RYR3: variants seen among roughly 807,000 people sequenced by gnomAD.
The protein encoded by RYR3 is brain ryanodine receptor-calcium release channel.
RYR3 carries 207 observed loss-of-function variants against 584.3 expected under a neutral mutation model. That is an observed-to-expected ratio of 0.35 (90% CI 0.32 to 0.40). The LOEUF (loss-of-function observed/expected upper bound fraction) is 0.40, where lower values mean the gene tolerates loss of function less well. RYR3 is among the 10% of genes least tolerant of loss of function. RYR3 has a pLI of 1.00. For missense variants in RYR3, 5,616 were observed against 6,089.2 expected (o/e 0.92, Z 2.59); for synonymous variants, 2,416 against 2,248.5 (o/e 1.07, Z -2.11).
At chr15:33,528,685 T>C (rs1257063164) in intron 3 of RYR3, among the ~76,000 whole-genome samples, 6 of 152,200 alleles carry the variant, frequency 3.9e-5, no homozygotes, top group African/African-American at 1.2e-4. Context: ...CTACTTAATC[T>C]CTGTAAACCT....
At chr15:33,842,780 C>T (rs973028798) in intron 91 of RYR3, among the ~76,000 whole-genome samples, 5 of 152,162 alleles carry the variant, frequency 3.3e-5, no homozygotes, top group African/African-American at 9.7e-5. Flanking sequence ...GGGTCTTCTG[C>T]GAGCCTAGAC....
chr15:33,355,538 C>T (rs1383201865), intron 1 of RYR3, among the ~76,000 whole-genome samples: 3 of 152,152 alleles, frequency 2.0e-5, no homozygotes, highest in Non-Finnish European at 2.9e-5. Context: ...GAGATAGGTT[C>T]GCAAATGCTG....
At chr15:33,726,053 C>T (rs990205295) in intron 45 of RYR3, among the ~76,000 whole-genome samples, 3 of 150,630 alleles carry the variant, frequency 2.0e-5, no homozygotes, top group Admixed American at 6.6e-5. Context: ...GTCGTGGCCA[C>T]TGAGCACTTC....
chr15:33,628,394 T>G (rs2061101022), intron 20 of RYR3, 77 bp from the exon 21 acceptor site: 1 of 989,512 alleles, frequency 1.0e-6, no homozygotes. Context: ...CCAATTCAAG[T>G]GGGGTGCCCA....
chr15:33,787,074 G>A (rs967192498), intron 66 of RYR3, among the ~76,000 whole-genome samples: 5 of 152,210 alleles, frequency 3.3e-5, no homozygotes, highest in East Asian at 1.9e-4. Context: ...CTAGAGGTGC[G>A]CAGAGGGAAA....
At chr15:33,496,988 T>A (rs910428317) in intron 2 of RYR3, among the ~76,000 whole-genome samples, 14 of 152,208 alleles carry the variant, frequency 9.2e-5, no homozygotes, top group African/African-American at 2.7e-4. Context: ...CCAGAGCAGC[T>A]GGTACAGGAA....
intron 67 of RYR3, among the ~76,000 whole-genome samples, chr15:33,793,928 A>C (rs960301105): frequency 2.9e-5 from 3 of 103,072 alleles, no homozygotes; most frequent in African/African-American, 6.4e-5. Context: ...CACACTCTAT[A>C]TATATACATA....
At chr15:33,533,588 A>G (rs1424724921) in intron 5 of RYR3, among the ~76,000 whole-genome samples, 199 bp downstream of exon 5, 3 of 152,230 alleles carry the variant, frequency 2.0e-5, no homozygotes, top group Non-Finnish European at 4.4e-5. Context: ...GAAGGAGAAC[A>G]TAATGTTTTT....
intron 1 of RYR3, among the ~76,000 whole-genome samples, chr15:33,426,901 A>G (rs1476904999): frequency 6.6e-6 from 1 of 152,152 alleles, no homozygotes; most frequent in Non-Finnish European, 1.5e-5. Context: ...GTATCCTCAC[A>G]TGATGGGATG....
In RYR3 at chr15:33,789,622, TTTTATATATATATATATATATATA is replaced by T. The variant is rs1489978535; in HGVS notation, c.9830+1166_9830+1189del. On this transcript the variant is annotated intron_variant, in intron 67 of 103. Transcript: ENST00000634891. ...GTTATATGCATGTTACCAGGTTTTATTTTATATATATATATATATATATATATATATATATATTTTTTTTTTTTT... is the reference window on the plus strand; with the variant it reads ...GTTATATGCATGTTACCAGGTTTTATTATATATATATATTTTTTTTTTTTT... Among the ~76,000 whole-genome samples, 67 of 32,384 alleles carry T rather than the reference TTTTATATATATATATATATATATA, an allele frequency of 2.1e-3. 2 individuals are homozygous for T. The South Asian group carries it at 0.04, about 19-fold the overall frequency. The allele number at this position is 32,384 out of a possible 152,430, so 21.2% of individuals were successfully genotyped here. A position where few individuals can be genotyped will look rare whatever the true frequency, so the allele number is the denominator to read the frequency against.
chr15:33,772,207 A>G (rs1328935979), intron 63 of RYR3, 49 bp downstream of exon 63: 1 of 1,243,078 alleles, frequency 8.0e-7, no homozygotes, highest in Admixed American at 1.8e-5. Flanking sequence ...ATGGCCCCAG[A>G]TAGGAGGTGC....
chr15:33,581,258 T>G (rs748893781), intron 13 of RYR3, among the ~76,000 whole-genome samples: 2 of 152,076 alleles, frequency 1.3e-5, no homozygotes, highest in Non-Finnish European at 2.9e-5. Context: ...GTTAAGCACG[T>G]GGGGGCAACC....
intron 43 of RYR3, 42 bp from the exon 44 acceptor site, chr15:33,722,673 T>A: frequency 6.4e-7 from 1 of 1,554,966 alleles, no homozygotes. Context: ...ATTCTGGGGT[T>A]GTCCTTTTCA....
chr15:33,664,589 G>GTGTGTGTGTGTGTATATATATATATATA (rs577496539), intron 36 of RYR3, among the ~76,000 whole-genome samples: 2 of 91,354 alleles, frequency 2.2e-5, no homozygotes, highest in African/African-American at 4.4e-5. Context: ...GTGTGTGTGT[G>GTGTGTGTGTGTGTATATATATATATATA]TATATATATA....
intron 64 of RYR3, 22 bp from the exon 65 acceptor site, chr15:33,780,189 C>T (rs1430909129): frequency 5.0e-6 from 8 of 1,611,112 alleles, no homozygotes; most frequent in South Asian, 1.1e-5. Context: ...CCACACTTCT[C>T]AATGGACTTC....
rs774810072 is a variant in RYR3, at chr15:33,562,979, A to G, written c.1115A>G (p.Lys372Arg). 2 of 1,612,024 alleles carry G rather than the reference A, an allele frequency of 1.2e-6. No individual in the cohort carries two copies. The highest frequency in any genetic ancestry group is 1.7e-6 in the Non-Finnish European group (2 of 1,178,906). Residue 372 changes from lysine to arginine, a missense_variant, in exon 11 of 104, where the codon AAA becomes AGA. Transcript: ENST00000634891. ...GTGACCTACAAAGCACAAGACGCCA[A>G]AACTTCCCGCCTGGGACCTCTAAAA... ...LWVTYKAQDA[K>R]TSRLGPLKRK...
chr15:33,706,978 A>T lies in RYR3; in HGVS notation c.6543A>T (p.Gly2181=), dbSNP rs1308592192. The change falls in exon 43 of 104, where the codon GGA becomes GGT. Residue 2181 remains glycine (G), a synonymous_variant. Coordinates refer to ENST00000634891, the MANE Select transcript of RYR3 (RefSeq NM_001036.6). ...GCTGCCCCATGCTTCTGGCCAAAGGATACCCTGATGTCGGCTGGAACCCCA... is the reference window on the plus strand; with the variant it reads ...GCTGCCCCATGCTTCTGGCCAAAGGTTACCCTGATGTCGGCTGGAACCCCA... ...LQSCPMLLAK[G]YPDVGWNPIE... is the part of the protein sequence containing the mutation. The T allele has an allele frequency of 6.2e-7, 1 of 1,613,460 alleles. No individual in the cohort carries two copies. The highest frequency in any genetic ancestry group is 1.3e-5 in the African/African-American group (1 of 74,924).
chr15:33,326,916 T>G (rs1251083061), intron 1 of RYR3, among the ~76,000 whole-genome samples: 1 of 152,170 alleles, frequency 6.6e-6, no homozygotes, highest in Non-Finnish European at 1.5e-5. Flanking sequence ...TTATATTAAT[T>G]TCTTCAACTT....
intron 46 of RYR3, among the ~76,000 whole-genome samples, chr15:33,727,671 G>C (rs1299111405): frequency 6.6e-6 from 1 of 152,190 alleles, no homozygotes; most frequent in Non-Finnish European, 1.5e-5. Flanking sequence ...GGCTCTGCTG[G>C]AACCTGACGC....
Sources: gnomAD v4.1 joint callset for allele counts (sites outside exome capture counted in the v4.1 genomes callset) on GRCh38, gnomAD v4.1.1 for gene constraint, MANE v1.5 for transcripts, NCBI Gene and HGNC (gene_info 2026-07-23, HGNC 2026-07-21) for gene names.